The following OPCML variants were observed in gnomAD, a reference collection of about 807,000 sequenced individuals.
OPCML encodes opioid-binding protein/cell adhesion molecule.
In OPCML, 13 loss-of-function variants were observed where a neutral mutation model predicts 37.8. That is an observed-to-expected ratio of 0.34 (90% CI 0.22 to 0.55). The LOEUF is 0.55. OPCML is among the 20% of genes least tolerant of loss of function. The pLI is 0.91. For missense variants in OPCML, 341 were observed against 435.6 expected (o/e 0.78, Z 1.93); for synonymous variants, 176 against 168.8 (o/e 1.04, Z -0.33).
intron 2 of OPCML, among the ~76,000 whole-genome samples, chr11:132,849,592 T>C (rs1450348344): frequency 1.3e-5 from 2 of 152,230 alleles, no homozygotes; most frequent in Non-Finnish European, 2.9e-5. Context: ...TATTTTATAC[T>C]GAGGACACTC....
At chr11:132,607,110 G>A (rs1181535962) in intron 3 of OPCML, among the ~76,000 whole-genome samples, 1 of 152,224 alleles carries the variant, frequency 6.6e-6, no homozygotes, top group African/African-American at 2.4e-5. Context: ...CAGGGTGCTT[G>A]AGTCACCAGT....
intron 1 of OPCML, among the ~76,000 whole-genome samples, chr11:133,455,116 C>G (rs565683606): frequency 6.6e-6 from 1 of 152,122 alleles, no homozygotes; most frequent in African/African-American, 2.4e-5. Context: ...TGTCTTGCAT[C>G]CTTCACCAAC....
chr11:132,611,368 A>G (rs1420991311), intron 3 of OPCML, among the ~76,000 whole-genome samples: 1 of 152,064 alleles, frequency 6.6e-6, no homozygotes, highest in Admixed American at 6.6e-5. Context: ...TTCAGTTCCA[A>G]TCCTCACTTC....
chr11:132,957,910 C>T (rs1293791349), intron 1 of OPCML, among the ~76,000 whole-genome samples: 1 of 152,158 alleles, frequency 6.6e-6, no homozygotes, highest in African/African-American at 2.4e-5. Context: ...TTCCCTGAGA[C>T]ACAAAAATAT....
intron 2 of OPCML, among the ~76,000 whole-genome samples, chr11:132,780,416 G>T (rs201777633): frequency 6.6e-6 from 1 of 152,172 alleles, no homozygotes; most frequent in Non-Finnish European, 1.5e-5. Context: ...ATAGTGGGTT[G>T]TTTTTCTATT....
intron 2 of OPCML, among the ~76,000 whole-genome samples, chr11:132,717,629 G>A (rs73599350): frequency 0.026 from 3,931 of 152,012 alleles, 146 homozygotes; most frequent in African/African-American, 0.089. Flanking sequence ...AACATATATC[G>A]TATTGTAGTT....
intron 7 of OPCML, among the ~76,000 whole-genome samples, chr11:132,424,758 T>C (rs2095972481): frequency 6.6e-6 from 1 of 152,126 alleles, no homozygotes; most frequent in Non-Finnish European, 1.5e-5. Context: ...ATGAACGTAA[T>C]CAGTAGAGTG....
intron 1 of OPCML, among the ~76,000 whole-genome samples, chr11:132,968,711 G>T (rs1946270612): frequency 6.6e-6 from 1 of 152,102 alleles, no homozygotes; most frequent in Non-Finnish European, 1.5e-5. Context: ...CTTTTATCTT[G>T]CAATCTTGCT....
intron 1 of OPCML, among the ~76,000 whole-genome samples, chr11:133,165,397 A>T (rs1210687731): frequency 6.6e-6 from 1 of 152,036 alleles, no homozygotes; most frequent in African/African-American, 2.4e-5. Context: ...CTGCAGCAGG[A>T]GCCTCCTGGA....
chr11:133,203,531 C>T (rs756991581), intron 1 of OPCML, among the ~76,000 whole-genome samples: 4 of 152,048 alleles, frequency 2.6e-5, no homozygotes, highest in Non-Finnish European at 4.4e-5. Flanking sequence ...TTTTCTATCT[C>T]AAATTACCGC....
intron 1 of OPCML, among the ~76,000 whole-genome samples, chr11:133,201,523 T>A (rs1003448601): frequency 3.3e-5 from 5 of 152,128 alleles, no homozygotes; most frequent in African/African-American, 1.2e-4. Flanking sequence ...CATCCCAGTT[T>A]ATCATAAGTA....
intron 4 of OPCML, among the ~76,000 whole-genome samples, chr11:132,480,070 T>C (rs1293385502): frequency 6.6e-6 from 1 of 152,032 alleles, no homozygotes; most frequent in Non-Finnish European, 1.5e-5. Context: ...CAAATTACTC[T>C]GAGCTACAGG....
intron 2 of OPCML, among the ~76,000 whole-genome samples, chr11:132,895,755 C>G (rs550883343): frequency 6.6e-6 from 1 of 152,070 alleles, no homozygotes; most frequent in Non-Finnish European, 1.5e-5. Context: ...GTAACAGCCT[C>G]CATGAGGCAG....
At chr11:133,343,376 T>C (rs1488095381) in intron 1 of OPCML, among the ~76,000 whole-genome samples, 1 of 152,174 alleles carries the variant, frequency 6.6e-6, no homozygotes, top group Admixed American at 6.5e-5. Context: ...ATCTCCCTCA[T>C]TAGATAAAAA....
intron 1 of OPCML, among the ~76,000 whole-genome samples, chr11:133,089,509 G>A (rs1948871974): frequency 6.6e-6 from 1 of 152,126 alleles, no homozygotes; most frequent in Non-Finnish European, 1.5e-5. Flanking sequence ...GCATCTACCA[G>A]GCAATAGCAA....
intron 2 of OPCML, among the ~76,000 whole-genome samples, chr11:132,802,354 T>C (rs1938709656): frequency 6.6e-6 from 1 of 152,208 alleles, no homozygotes; most frequent in South Asian, 2.1e-4. Context: ...CTGAAGTCCC[T>C]GAACAGACTT....
At chr11:133,256,802 G>A (rs1264319966) in intron 1 of OPCML, among the ~76,000 whole-genome samples, 2 of 152,198 alleles carry the variant, frequency 1.3e-5, no homozygotes, top group Admixed American at 1.3e-4. Context: ...TGTGCAGTTT[G>A]GGAGTGACTG....
At chr11:133,382,748 C>A (rs1338597851) in intron 1 of OPCML, among the ~76,000 whole-genome samples, 2 of 152,182 alleles carry the variant, frequency 1.3e-5, no homozygotes, top group Non-Finnish European at 2.9e-5. Flanking sequence ...CATCTATCTC[C>A]CACCGATCGA....
Position 133,321,616 on chromosome 11 carries a change from G to T in OPCML, c.61+210648C>A, listed in dbSNP as rs969844304. Among the ~76,000 whole-genome samples, 4 of 152,212 alleles carry T rather than the reference G, an allele frequency of 2.6e-5. No individual in the cohort carries two copies. In the East Asian group the frequency reaches 7.7e-4, roughly 29 times the overall value. ...ACAGGCATGTTACACTGCAATTTGG[G>T]TTATGTCAAAAGCATAAAATCAGGC... On this transcript the variant is annotated intron_variant, in intron 1 of 7. Transcript: ENST00000524381.
Sources: gnomAD v4.1 joint callset for allele counts (sites outside exome capture counted in the v4.1 genomes callset) on GRCh38, gnomAD v4.1.1 for gene constraint, MANE v1.5 for transcripts, NCBI Gene and HGNC (gene_info 2026-07-23, HGNC 2026-07-21) for gene names.